The following MOGAT1 variants were observed in gnomAD, a reference collection of about 807,000 sequenced individuals.
The protein encoded by MOGAT1 is monoacylglycerol O-acyltransferase 1.
In MOGAT1, 32 loss-of-function variants were observed where a neutral mutation model predicts 31.4. The ratio of observed to expected loss-of-function variants is 1.02; its 90% CI spans 0.77 to 1.37. The LOEUF (loss-of-function observed/expected upper bound fraction) is 1.37. Ranked by LOEUF, MOGAT1 falls within the 40% of genes most tolerant of loss-of-function variation. The pLI is 0.00. For missense variants in MOGAT1, 426 were observed against 402.0 expected, an observed-to-expected ratio of 1.06 and a Z score of -0.51; for synonymous variants, 145 against 144.5, an observed-to-expected ratio of 1.00 and a Z score of -0.03.
intron 1 of MOGAT1, among the ~76,000 whole-genome samples, chr2:222,673,794 G>A (rs1230637665): frequency 6.6e-6 from 1 of 152,156 alleles, no homozygotes; most frequent in Non-Finnish European, 1.5e-5. Flanking sequence ...TATGGCTGTG[G>A]TGACTTCAGA....
At chr2:222,703,387 T>TTTTTTTGTTTGTTTGTTTTG (rs1247045806) in intron 5 of MOGAT1, among the ~76,000 whole-genome samples, 22 of 152,084 alleles carry the variant, frequency 1.4e-4, no homozygotes, top group Non-Finnish European at 2.9e-4. Flanking sequence ...TACCTGAGGG[T>TTTTTTTGTTTGTTTGTTTTG]TTTTTTGTTT....
Position 222,694,429 on chromosome 2 carries a change from T to C in MOGAT1, c.546T>C (p.Ser182=). The change falls in exon 4 of 6, where the codon TCT becomes TCC. Residue 182 remains serine, a synonymous_variant. Coordinates refer to ENST00000446656, the MANE Select transcript of MOGAT1 (RefSeq NM_058165.3). ...GCAAGGAGGGAGGTGGAAACATCTC[T>C]GTCATTGTCCTTGGGGGTGCAAAAG... ...MVSKEGGGNI[S]VIVLGGAKES... 1 of 1,613,832 alleles carries C rather than the reference T, an allele frequency of 6.2e-7. No individual in the cohort carries two copies.
intron 1 of MOGAT1, among the ~76,000 whole-genome samples, chr2:222,685,108 G>T (rs1692642219): frequency 6.6e-6 from 1 of 152,108 alleles, no homozygotes; most frequent in Non-Finnish European, 1.5e-5. Context: ...AAAATGTGTG[G>T]TCAGCCATAT....
intron 1 of MOGAT1, among the ~76,000 whole-genome samples, chr2:222,672,283 C>T (rs1429595564): frequency 1.3e-5 from 2 of 152,174 alleles, no homozygotes; most frequent in Non-Finnish European, 2.9e-5. Context: ...CAAAGTAATG[C>T]CTCAGTAGTT....
At chr2:222,688,565 A>G (rs10498142) in intron 2 of MOGAT1, 43 bp downstream of exon 2, 180,583 of 1,431,066 alleles carry the variant, frequency 0.13, 14,256 homozygotes, top group African/African-American at 0.37. Flanking sequence ...GATTTAGGAG[A>G]AGAGTGGAAA....
intron 4 of MOGAT1, 76 bp from the exon 5 acceptor site, chr2:222,695,013 A>T (rs1692819583): frequency 1.7e-6 from 2 of 1,194,320 alleles, no homozygotes; most frequent in African/African-American, 3.1e-5. Context: ...AAGTTGTTGC[A>T]AGAGTCAGCT....
At chr2:222,674,101 T>C (rs1692462657) in intron 1 of MOGAT1, among the ~76,000 whole-genome samples, 1 of 152,194 alleles carries the variant, frequency 6.6e-6, no homozygotes, top group Non-Finnish European at 1.5e-5. Context: ...CAAGATCACA[T>C]GGCCCAGTAG....
intron 1 of MOGAT1, among the ~76,000 whole-genome samples, chr2:222,677,362 C>T (rs922104512): frequency 3.3e-5 from 5 of 152,128 alleles, no homozygotes; most frequent in Admixed American, 6.5e-5. Flanking sequence ...GGGTGGATCA[C>T]GAGATCAGGA....
At chr2:222,697,576 C>CTTTTTTTTTTTTTTTTTTTTTTTTTTTT (rs35259095) in intron 5 of MOGAT1, among the ~76,000 whole-genome samples, 1 of 96,030 alleles carries the variant, frequency 1.0e-5, no homozygotes, top group Non-Finnish European at 2.0e-5. Context: ...TTATCAGAAT[C>CTTTTTTTTTTTTTTTTTTTTTTTTTTTT]TTTTTTTTTT....
At chr2:222,704,931 G>A (rs753656436) in intron 5 of MOGAT1, among the ~76,000 whole-genome samples, 11 of 152,086 alleles carry the variant, frequency 7.2e-5, no homozygotes, top group Non-Finnish European at 1.3e-4. Flanking sequence ...CCAAGAGAAG[G>A]CCCTTGGATC....
At chr2:222,682,158 T>G (rs1455178099) in intron 1 of MOGAT1, among the ~76,000 whole-genome samples, 2 of 152,216 alleles carry the variant, frequency 1.3e-5, no homozygotes, top group African/African-American at 2.4e-5. Flanking sequence ...ACACACACTT[T>G]GTTGTTGCTG....
Position 222,689,429 on chromosome 2 carries a change from G to C in MOGAT1, c.438G>C (p.Trp146Cys). 1 of 1,614,010 alleles carries C rather than the reference G, an allele frequency of 6.2e-7. No homozygotes were observed. Among genetic ancestry groups the C allele is most frequent in the Non-Finnish European group, 8.5e-7 (1 of 1,179,894 alleles). ...FTSYLHVLPL[W>C]FWCPVFREYV... Reference sequence around the variant, plus strand: ...CATATCTTCACGTGCTGCCACTTTGGTTCTGGTGTCCTGTCTTTCGAGAAT... The same window carrying C: ...CATATCTTCACGTGCTGCCACTTTGCTTCTGGTGTCCTGTCTTTCGAGAAT... Residue 146 changes from tryptophan to cysteine, a missense_variant, in exon 3 of 6, where the codon TGG (tryptophan) becomes TGC (cysteine). By Grantham distance (215) the Trp-to-Cys change is radical. Coordinates refer to ENST00000446656, the MANE Select transcript of MOGAT1 (RefSeq NM_058165.3).
rs1369949080 is a variant in MOGAT1 at position 222,688,492 on chromosome 2, G to A, written c.243G>A (p.Trp81Ter). ...RSSWIKNWTL[W>*]KHFKDYFPIH... is the part of the protein sequence containing the mutation. ...GCTGGATCAAAAATTGGACTCTTTG[G>A]AAACACTTTAAGGACTATTTTCCAA... Residue 81 changes from tryptophan (W) to a stop codon, truncating the protein, a stop_gained, in exon 2 of 6, where the codon TGG becomes TGA. Coordinates refer to ENST00000446656, the MANE Select transcript of MOGAT1 (RefSeq NM_058165.3). LOFTEE classifies it high-confidence loss of function. 1 of 1,613,482 alleles carries A rather than the reference G, an allele frequency of 6.2e-7. No homozygotes were observed. The highest frequency in any genetic ancestry group is 1.1e-5 in the South Asian group (1 of 90,956).
intron 1 of MOGAT1, among the ~76,000 whole-genome samples, chr2:222,674,726 G>A (rs1312373549): frequency 6.6e-6 from 1 of 152,152 alleles, no homozygotes; most frequent in African/African-American, 2.4e-5. Context: ...TATTTTGTGT[G>A]TAACCATAGT....
rs1692706882 is a variant in MOGAT1, at chr2:222,688,326, C to G, written c.95-18C>G. 1.3e-6 allele frequency: 2 copies of G among 1,590,520 alleles called. No individual in the cohort carries two copies. The highest frequency in any genetic ancestry group is 1.7e-6 in the Non-Finnish European group (2 of 1,167,856). On this transcript the variant is annotated intron_variant, in intron 1 of 5. Transcript: ENST00000446656. ...ATACTAACAGACTGATTCCATGAGA[C>G]TTTTTCTTTTCTTACAGGGCCGATG...
chr2:222,674,590 C>T (rs903475914), intron 1 of MOGAT1, among the ~76,000 whole-genome samples: 5 of 152,078 alleles, frequency 3.3e-5, no homozygotes, highest in African/African-American at 1.2e-4. Context: ...GTAGCTTTTC[C>T]TCCTCATCCT....
chr2:222,694,445 G>C lies in MOGAT1; in HGVS notation c.562G>C (p.Gly188Arg), dbSNP rs372530730. The C allele has an allele frequency of 2.5e-6, 4 of 1,613,734 alleles. No individual in the cohort carries two copies. Among genetic ancestry groups the C allele is most frequent in the African/African-American group, 2.7e-5 (2 of 74,920 alleles). ...GGNISVIVLGGAKESLDAHPG... is the reference protein window; with the variant it reads ...GGNISVIVLGRAKESLDAHPG... ...AAACATCTCTGTCATTGTCCTTGGG[G>C]GTGCAAAAGAATCACTGGATGCTCA... Residue 188 changes from glycine (G) to arginine (R), a missense_variant, in exon 4 of 6, where the codon GGT (glycine) becomes CGT (arginine). Physicochemically the swap from Gly to Arg is moderately radical, Grantham distance 125. Coordinates refer to ENST00000446656, the MANE Select transcript of MOGAT1 (RefSeq NM_058165.3).
chr2:222,683,430 TA>T (rs60533237), intron 1 of MOGAT1, among the ~76,000 whole-genome samples: 34,207 of 142,578 alleles, frequency 0.24, 5,621 homozygotes, highest in African/African-American at 0.48. Flanking sequence ...TCACTTAAAT[TA>T]AAAAAAAAAA....
At chr2:222,688,813 C>G (rs1692715156) in intron 2 of MOGAT1, among the ~76,000 whole-genome samples, 1 of 152,166 alleles carries the variant, frequency 6.6e-6, no homozygotes, top group Admixed American at 6.6e-5. Context: ...CAAAAAAGAG[C>G]AAGAGGGGGT....
Sources: allele counts gnomAD v4.1 joint callset (sites outside exome capture counted in the v4.1 genomes callset), GRCh38; gene constraint gnomAD v4.1.1; transcripts MANE v1.5; gene names NCBI Gene and HGNC (gene_info 2026-07-23, HGNC 2026-07-21).